The following RSU1 variants were observed in gnomAD, a reference collection of about 807,000 sequenced individuals.
RSU1 encodes the protein rsu-1.
In RSU1, 26 loss-of-function variants were observed where a neutral mutation model predicts 31.1. That is an observed-to-expected ratio of 0.84 (90% CI 0.61 to 1.16). The LOEUF (loss-of-function observed/expected upper bound fraction) is 1.16. Ranked by LOEUF, RSU1 falls within the 50% of genes most tolerant of loss-of-function variation. The pLI is 0.00. For synonymous variants in RSU1, 164 were observed against 136.3 expected, an observed-to-expected ratio of 1.20 and a Z score of -1.41; for missense variants, 320 against 339.1, an observed-to-expected ratio of 0.94 and a Z score of 0.44.
At chr10:16,767,013 C>A (rs2131633865) in intron 3 of RSU1, among the ~76,000 whole-genome samples, 1 of 146,458 alleles carries the variant, frequency 6.8e-6, no homozygotes, top group East Asian at 2.0e-4. Flanking sequence ...AAGAGTGAAA[C>A]TCTATGTCCA....
intron 8 of RSU1, among the ~76,000 whole-genome samples, chr10:16,679,882 T>G (rs202024269): frequency 0.48 from 68,661 of 142,744 alleles, 17,209 homozygotes; most frequent in Middle Eastern, 0.59. Flanking sequence ...TTTTTTTTTT[T>G]TTTTTTTTTT....
intron 7 of RSU1, among the ~76,000 whole-genome samples, chr10:16,730,948 G>A (rs1564335885): frequency 6.6e-6 from 1 of 151,912 alleles, no homozygotes; most frequent in South Asian, 2.1e-4. Flanking sequence ...CTCAGTCTCT[G>A]AAGTAGCTGG....
chr10:16,706,733 T>C (rs937406521), intron 7 of RSU1, among the ~76,000 whole-genome samples: 2 of 152,212 alleles, frequency 1.3e-5, no homozygotes, highest in East Asian at 1.9e-4. Context: ...GGTGGGAACA[T>C]TTGAAAGCCT....
At chr10:16,717,276 G>A (rs999961146) in intron 7 of RSU1, among the ~76,000 whole-genome samples, 1 of 152,096 alleles carries the variant, frequency 6.6e-6, no homozygotes, top group South Asian at 2.1e-4. Flanking sequence ...CAGATATTAT[G>A]TCATATAAAA....
intron 8 of RSU1, among the ~76,000 whole-genome samples, chr10:16,627,713 C>A (rs542551408): frequency 6.7e-6 from 1 of 148,646 alleles, no homozygotes; most frequent in Admixed American, 6.8e-5. Flanking sequence ...GCCAAGATTG[C>A]GCCATTGCCC....
At chr10:16,646,365 A>G (rs1354529595) in intron 8 of RSU1, among the ~76,000 whole-genome samples, 1 of 152,116 alleles carries the variant, frequency 6.6e-6, no homozygotes, top group East Asian at 1.9e-4. Context: ...CTATCCGTAC[A>G]GTCAGGAGCC....
chr10:16,786,553 G>C lies in RSU1; in HGVS notation c.110-4469C>G, dbSNP rs143485438. ...AGATGTGCTCATTACTTTGGGGTGG[G>C]GGGGAGTCAGGTACCCTCGGCCCCT... On this transcript the variant is annotated intron_variant, in intron 2 of 8. Transcript: ENST00000345264. 3.5e-3 allele frequency among the ~76,000 whole-genome samples: 532 copies of C among 151,892 alleles called. 2 individuals are homozygous for C. The highest frequency in any genetic ancestry group is 0.012 in the African/African-American group (510 of 41,408).
At chr10:16,745,967 A>AT (rs1404748330) in intron 7 of RSU1, among the ~76,000 whole-genome samples, 10 of 152,266 alleles carry the variant, frequency 6.6e-5, no homozygotes, top group African/African-American at 2.4e-4. Context: ...CAAATACTGG[A>AT]TTTTCTTCTT....
At chr10:16,663,081 G>C (rs551280457) in intron 8 of RSU1, among the ~76,000 whole-genome samples, 20 of 152,140 alleles carry the variant, frequency 1.3e-4, no homozygotes, top group Admixed American at 1.0e-3. Context: ...CCCATTCATG[G>C]TGTCTCAGAT....
chr10:16,676,364 G>A (rs1835232301), intron 8 of RSU1, among the ~76,000 whole-genome samples: 1 of 152,192 alleles, frequency 6.6e-6, no homozygotes, highest in Non-Finnish European at 1.5e-5. Context: ...GAGACTGTGT[G>A]CAGGGGAACT....
intron 8 of RSU1, among the ~76,000 whole-genome samples, chr10:16,675,222 GA>G (rs910696166): frequency 4.2e-4 from 59 of 140,980 alleles, no homozygotes; most frequent in Middle Eastern, 3.8e-3. Context: ...AAAAAAGAAA[GA>G]AAAAAAAGTG....
At chr10:16,724,730 C>G (rs1317860347) in intron 7 of RSU1, among the ~76,000 whole-genome samples, 1 of 152,204 alleles carries the variant, frequency 6.6e-6, no homozygotes, top group Non-Finnish European at 1.5e-5. Flanking sequence ...ATTTCACTGC[C>G]AGTCCCAAAG....
intron 5 of RSU1, among the ~76,000 whole-genome samples, chr10:16,754,219 T>C (rs1294657305): frequency 3.9e-5 from 6 of 152,354 alleles, no homozygotes; most frequent in Non-Finnish European, 7.3e-5. Flanking sequence ...AATAGAACAC[T>C]GATTTAAGGG....
intron 2 of RSU1, among the ~76,000 whole-genome samples, chr10:16,809,931 C>A (rs1838366889): frequency 7.1e-6 from 1 of 141,194 alleles, no homozygotes; most frequent in African/African-American, 2.7e-5. Flanking sequence ...TTTTAAAATT[C>A]AATATAAGAC....
At chr10:16,692,793 A>G (rs1026746590) in intron 8 of RSU1, among the ~76,000 whole-genome samples, 1 of 152,198 alleles carries the variant, frequency 6.6e-6, no homozygotes, top group Non-Finnish European at 1.5e-5. Flanking sequence ...GAAACAATTA[A>G]TACACATCCT....
At chr10:16,787,465 C>T (rs996154525) in intron 2 of RSU1, among the ~76,000 whole-genome samples, 6 of 152,258 alleles carry the variant, frequency 3.9e-5, no homozygotes, top group African/African-American at 9.6e-5. Context: ...AATGCTCCCC[C>T]GCAGGCCACC....
intron 2 of RSU1, among the ~76,000 whole-genome samples, chr10:16,814,447 T>G (rs2131282587): frequency 1.4e-5 from 1 of 72,928 alleles, no homozygotes; most frequent in African/African-American, 5.6e-5. Flanking sequence ...GACCCTGTTT[T>G]CAGGAAAAAA....
intron 8 of RSU1, among the ~76,000 whole-genome samples, chr10:16,692,726 C>T (rs1171924772): frequency 2.6e-5 from 4 of 152,050 alleles, no homozygotes; most frequent in East Asian, 1.9e-4. Flanking sequence ...GAGCTACATT[C>T]GTATTTTTTT....
chr10:16,792,698 G>T (rs1837950809), intron 2 of RSU1, among the ~76,000 whole-genome samples: 1 of 152,230 alleles, frequency 6.6e-6, no homozygotes, highest in South Asian at 2.1e-4. Context: ...CGGCAGTTGT[G>T]CACAGAGACA....
Sources: gnomAD v4.1 joint callset for allele counts (sites outside exome capture counted in the v4.1 genomes callset) on GRCh38, gnomAD v4.1.1 for gene constraint, MANE v1.5 for transcripts, NCBI Gene and HGNC (gene_info 2026-07-23, HGNC 2026-07-21) for gene names.